CUX1: variants seen among roughly 807,000 people sequenced by gnomAD.
CUX1 encodes protein CASP.
In CUX1, 31 loss-of-function variants were observed where a neutral mutation model predicts 158.8. The ratio of observed to expected loss-of-function variants is 0.20; its 90% confidence interval spans 0.15 to 0.26. The LOEUF (loss-of-function observed/expected upper bound fraction) is 0.26. Ranked by LOEUF, CUX1 falls within the 10% of genes least tolerant of loss-of-function variation. The pLI, the probability that CUX1 is intolerant of heterozygous loss-of-function variation, is 1.00. For synonymous variants in CUX1, 879 were observed against 862.1 expected (o/e 1.02, Z -0.34); for missense variants, 1,589 against 2,014.6 (o/e 0.79, Z 4.04).
chr7:101,868,126 C>A (rs768447279), intron 1 of CUX1, among the ~76,000 whole-genome samples: 4 of 152,190 alleles, frequency 2.6e-5, no homozygotes, highest in Admixed American at 6.5e-5. Flanking sequence ...TGATTACAGG[C>A]GAGCTTTTCT....
At chr7:101,947,893 G>A (rs1808590631) in intron 2 of CUX1, among the ~76,000 whole-genome samples, 1 of 152,144 alleles carries the variant, frequency 6.6e-6, no homozygotes, top group South Asian at 2.1e-4. Context: ...GTTGACCCTA[G>A]CCATCCATGT....
intron 2 of CUX1, 148 bp from the exon 3 acceptor site, chr7:102,027,950 G>A: frequency 1.5e-6 from 1 of 668,042 alleles, no homozygotes; most frequent in Non-Finnish European, 2.6e-6. Flanking sequence ...GATGTTTTAG[G>A]AGTGCAGGAA....
intron 5 of CUX1, among the ~76,000 whole-genome samples, chr7:102,099,812 A>G (rs1418337793): frequency 1.3e-5 from 2 of 151,800 alleles, no homozygotes; most frequent in Non-Finnish European, 2.9e-5. Flanking sequence ...GCTGTGCAGG[A>G]TTGTCCTTCC....
intron 2 of CUX1, among the ~76,000 whole-genome samples, chr7:101,986,819 T>C (rs1486285093): frequency 1.3e-5 from 2 of 152,160 alleles, no homozygotes; most frequent in Non-Finnish European, 2.9e-5. Context: ...TGTGAGACTG[T>C]AGAGCTCTAG....
chr7:102,155,551 A>C (rs889232279), intron 8 of CUX1, among the ~76,000 whole-genome samples: 36 of 151,080 alleles, frequency 2.4e-4, no homozygotes, highest in Admixed American at 1.1e-3. Flanking sequence ...CTCAAAAAGA[A>C]AAAAAAAAAC....
At chr7:102,028,465 G>A (rs770895435) in intron 3 of CUX1, among the ~76,000 whole-genome samples, 22 of 152,308 alleles carry the variant, frequency 1.4e-4, no homozygotes, top group Non-Finnish European at 2.2e-4. Flanking sequence ...TCCCCTCTAG[G>A]AAGTCGCCTT....
intron 17 of CUX1, among the ~76,000 whole-genome samples, chr7:102,277,213 G>A (rs1276575790): frequency 1.3e-5 from 2 of 152,150 alleles, no homozygotes; most frequent in South Asian, 2.1e-4. Context: ...TGGGAGGATC[G>A]CTTGAGTCGG....
chr7:102,131,152 A>G (rs896635045), intron 8 of CUX1, among the ~76,000 whole-genome samples: 1 of 151,962 alleles, frequency 6.6e-6, no homozygotes, highest in African/African-American at 2.4e-5. Context: ...GATTTAATGA[A>G]TATATAGATG....
At chr7:102,120,861 T>A (rs201507) in intron 8 of CUX1, among the ~76,000 whole-genome samples, 1 of 151,908 alleles carries the variant, frequency 6.6e-6, no homozygotes, top group African/African-American at 2.4e-5. Context: ...CCCAAGAGTT[T>A]GAGACCAGCC....
In CUX1 at chr7:102,248,380, C is replaced by A. The variant is rs782487300; in HGVS notation, c.3888-32C>A. 4 of 1,552,524 alleles carry A rather than the reference C, an allele frequency of 2.6e-6. No individual in the cohort carries two copies. The Middle Eastern group carries it at 5.0e-4, about 195-fold the overall frequency. On this transcript the variant is annotated intron_variant, in intron 23 of 23. Coordinates refer to ENST00000292535, the MANE Select transcript of CUX1 (RefSeq NM_181552.4). This position sits in a 1 kb window ranked among gnomAD's most constrained non-coding sequence, Gnocchi z 5.8. ...AGAGGCCCTTTCCCCAGCAGCACCC[C>A]CCTCACGTCCCCGCCGCTTGTTGTC... is the stretch of plus-strand genomic sequence containing the variant.
chr7:102,174,594 T>C (rs1792097819), intron 10 of CUX1, among the ~76,000 whole-genome samples: 1 of 152,208 alleles, frequency 6.6e-6, no homozygotes, highest in Admixed American at 6.5e-5. Flanking sequence ...TATGTCCTTG[T>C]GACAGCACAA....
At chr7:102,133,356 AC>A (rs1400791394) in intron 8 of CUX1, among the ~76,000 whole-genome samples, 1 of 150,360 alleles carries the variant, frequency 6.7e-6, no homozygotes, top group Non-Finnish European at 1.5e-5. Context: ...GCCCACACTT[AC>A]CTGCTGTGGT....
intron 22 of CUX1, 51 bp downstream of exon 22, chr7:102,234,291 G>A (rs372419470): frequency 2.1e-6 from 3 of 1,420,938 alleles, no homozygotes; most frequent in Admixed American, 2.7e-5. Context: ...TCATAGACAG[G>A]CTGTTTCTTT....
chr7:102,100,824 G>A (rs1458440286), intron 5 of CUX1, among the ~76,000 whole-genome samples: 3 of 152,032 alleles, frequency 2.0e-5, no homozygotes, highest in African/African-American at 4.8e-5. Context: ...AAAAAAAGAT[G>A]GTGTGAGTCC....
chr7:101,946,766 T>C (rs1360593773), intron 2 of CUX1, among the ~76,000 whole-genome samples: 2 of 152,080 alleles, frequency 1.3e-5, no homozygotes, highest in Non-Finnish European at 2.9e-5. Context: ...TTACAAAAGA[T>C]GAAAGCCACA....
At chr7:102,166,382 C>T (rs781874743) in intron 9 of CUX1, among the ~76,000 whole-genome samples, 7 of 152,162 alleles carry the variant, frequency 4.6e-5, no homozygotes, top group Non-Finnish European at 8.8e-5. Flanking sequence ...AAAAGTAGAA[C>T]GAGGGCTCCC....
rs782125890 is a variant in CUX1, at chr7:102,280,072, GT to G, written c.1717del (p.Ser573ProfsTer23). On this transcript the variant is annotated frameshift_variant, in exon 19 of 23. Transcript: ENST00000292538. LOFTEE classifies it high-confidence loss of function. ...GTGATGACACGGAGCTGCGGTACTC[GT>G]CCCAGTACGAGGAGCGCCTGGACCC... 57 of 1,610,744 alleles carry G rather than the reference GT, an allele frequency of 3.5e-5. No homozygotes were observed. Among genetic ancestry groups the G allele is most frequent in the Non-Finnish European group, 4.8e-5 (57 of 1,179,552 alleles).
intron 2 of CUX1, among the ~76,000 whole-genome samples, chr7:102,002,843 C>T (rs779179982): frequency 3.9e-5 from 6 of 152,174 alleles, no homozygotes; most frequent in Non-Finnish European, 8.8e-5. Context: ...GGAAGCCTTC[C>T]AGTCCTTGGA....
intron 3 of CUX1, among the ~76,000 whole-genome samples, chr7:102,046,724 A>G (rs1418610468): frequency 6.6e-6 from 1 of 151,392 alleles, no homozygotes; most frequent in African/African-American, 2.4e-5. Flanking sequence ...CTACAGGTAC[A>G]CACCACTACA....
Sources: gnomAD v4.1 joint callset for allele counts (sites outside exome capture counted in the v4.1 genomes callset) on GRCh38, gnomAD v4.1.1 for gene constraint, Gnocchi (gnomAD v3.1) non-coding constraint, MANE v1.5 for transcripts, NCBI Gene and HGNC (gene_info 2026-07-23, HGNC 2026-07-21) for gene names.